The following SUFU variants were observed in gnomAD, a reference collection of about 807,000 sequenced individuals.
SUFU encodes the protein suppressor of fused homolog.
SUFU carries 7 observed loss-of-function variants against 58.9 expected under a neutral mutation model. The ratio of observed to expected loss-of-function variants is 0.12; its 90% CI spans 0.07 to 0.22. The LOEUF (loss-of-function observed/expected upper bound fraction) is 0.22, where lower values mean the gene tolerates loss of function less well. Ranked by LOEUF, SUFU falls within the 10% of genes least tolerant of loss-of-function variation. SUFU has a pLI of 1.00. For missense variants in SUFU, 451 were observed against 641.3 expected (o/e 0.70, Z 3.20); for synonymous variants, 232 against 254.8 (o/e 0.91, Z 0.85).
rs201633224 is a variant in SUFU, at chr10:102,528,320, AAC to A, written c.317+19020_317+19021del. Among the ~76,000 whole-genome samples, 1,369 of 152,248 alleles carry A rather than the reference AAC, an allele frequency of 9.0e-3. 19 individuals are homozygous for A. Among genetic ancestry groups the A allele is most frequent in the African/African-American group, 0.031 (1,292 of 41,536 alleles). On this transcript the variant is annotated intron_variant, in intron 2 of 11. Coordinates refer to ENST00000369902, the MANE Select transcript of SUFU (RefSeq NM_016169.4). ...TACAATGGCTCACACCTGTAATCCT[AAC>A]ACTTTGGGAGGCCGAGGTAGGAGAA...
In SUFU at chr10:102,594,047, G is replaced by A. The variant is rs1442746230; in HGVS notation, c.738G>A (p.Glu246=). 3 of 1,613,472 alleles carry A rather than the reference G, an allele frequency of 1.9e-6. No homozygotes were observed. Among genetic ancestry groups the A allele is most frequent in the South Asian group, 2.2e-5 (2 of 91,030 alleles). ...TGCGGAGGGGAGAGACCATATTTGA[G>A]ATCGATCCACACCTGCAAGTATGTC... ...TDMRRGETIF[E]IDPHLQERVD... Residue 246 remains glutamate (E), a synonymous_variant, in exon 6 of 12, where the codon GAG becomes GAA. Transcript: ENST00000369902.
At chr10:102,615,169 A>T in intron 8 of SUFU, 99 bp from the exon 9 acceptor site, 3 of 1,536,054 alleles carry the variant, frequency 2.0e-6, no homozygotes, top group Non-Finnish European at 2.7e-6. Context: ...AGTCACCATT[A>T]TTGTCTTTAT....
intron 8 of SUFU, among the ~76,000 whole-genome samples, chr10:102,609,128 C>T (rs879169871): frequency 1.3e-5 from 2 of 152,070 alleles, no homozygotes; most frequent in Admixed American, 6.5e-5. Flanking sequence ...ACTCATTGTG[C>T]GATCTTGGGC....
rs977827343 is a variant in SUFU at position 102,619,343 on chromosome 10, G to A, written c.1296+1915G>A. 3.2e-5 allele frequency: 45 copies of A among 1,420,816 alleles called. No individual in the cohort carries two copies. Among genetic ancestry groups the A allele is most frequent in the Non-Finnish European group, 3.9e-5 (43 of 1,090,238 alleles). 88.0% of individuals were successfully genotyped at this position (1,420,816 alleles called of 1,614,324 possible). Reference sequence around the variant, plus strand: ...TCAGCGAGCCTGAGGCCCAGCACCCGCTGGCTCCCCAGCACATGGTCCCCT... The same window carrying A: ...TCAGCGAGCCTGAGGCCCAGCACCCACTGGCTCCCCAGCACATGGTCCCCT... On this transcript the variant is annotated intron_variant, in intron 10 of 11. Transcript: ENST00000369902. This position sits in a 1 kb window ranked among gnomAD's most constrained non-coding sequence, Gnocchi z 4.2.
chr10:102,601,318 C>T (rs762123036), intron 8 of SUFU, among the ~76,000 whole-genome samples: 12 of 152,128 alleles, frequency 7.9e-5, no homozygotes, highest in Admixed American at 6.5e-5. Context: ...ACACATAAGC[C>T]GAGACTCTCA....
chr10:102,571,910 TC>T (rs1180853214), intron 3 of SUFU, among the ~76,000 whole-genome samples: 1 of 152,186 alleles, frequency 6.6e-6, no homozygotes, highest in Non-Finnish European at 1.5e-5. Context: ...GCTTCCAAGT[TC>T]CGTCAGGTTG....
intron 10 of SUFU, among the ~76,000 whole-genome samples, chr10:102,623,833 G>A (rs1018345101): frequency 4.6e-5 from 7 of 152,106 alleles, no homozygotes; most frequent in Non-Finnish European, 7.4e-5. Flanking sequence ...CCAGCTACTC[G>A]GGAGGCTGAG....
At chr10:102,548,025 C>T (rs1590017279) in intron 2 of SUFU, among the ~76,000 whole-genome samples, 3 of 152,094 alleles carry the variant, frequency 2.0e-5, no homozygotes, top group East Asian at 3.9e-4. Context: ...TGCTAGGTGC[C>T]ATGATGTGCC....
At chr10:102,549,619 T>C (rs142055154) in intron 2 of SUFU, among the ~76,000 whole-genome samples, 21 of 152,266 alleles carry the variant, frequency 1.4e-4, no homozygotes, top group African/African-American at 4.8e-4. Context: ...CTTGAAGGAA[T>C]AAGGAGCATG....
chr10:102,551,583 A>T (rs1215404194), intron 3 of SUFU, among the ~76,000 whole-genome samples: 1 of 151,562 alleles, frequency 6.6e-6, no homozygotes, highest in Non-Finnish European at 1.5e-5. Context: ...TGTTACTGTG[A>T]GCCAAGATCG....
chr10:102,573,767 T>A (rs944264190), intron 3 of SUFU, among the ~76,000 whole-genome samples: 1 of 152,126 alleles, frequency 6.6e-6, no homozygotes, highest in Non-Finnish European at 1.5e-5. Context: ...TTACATAAGG[T>A]ACTTAGAGTA....
intron 2 of SUFU, among the ~76,000 whole-genome samples, chr10:102,515,138 G>A (rs1345323609): frequency 6.6e-6 from 1 of 152,206 alleles, no homozygotes; most frequent in Admixed American, 6.5e-5. Context: ...CCTCCACCCG[G>A]TTGGTGGAGA....
chr10:102,613,129 G>A (rs1394048270), intron 8 of SUFU, among the ~76,000 whole-genome samples: 1 of 152,154 alleles, frequency 6.6e-6, no homozygotes, highest in Non-Finnish European at 1.5e-5. Flanking sequence ...GAAGTCTGAC[G>A]CACGGTGAGG....
intron 8 of SUFU, among the ~76,000 whole-genome samples, chr10:102,607,057 G>C (rs1003790102): frequency 2.9e-5 from 4 of 137,976 alleles, no homozygotes; most frequent in Admixed American, 1.6e-4. Context: ...ATTGGTAAGA[G>C]TAATTTTTTT....
intron 2 of SUFU, among the ~76,000 whole-genome samples, chr10:102,512,265 T>C (rs950252122): frequency 6.6e-6 from 1 of 152,230 alleles, no homozygotes; most frequent in Non-Finnish European, 1.5e-5. Flanking sequence ...ATAATGGAGA[T>C]AGAATAGCAA....
Position 102,549,963 on chromosome 10 carries a change from C to G in SUFU, c.318-7C>G, listed in dbSNP as rs751778806. 45 of 1,614,154 alleles carry G rather than the reference C, an allele frequency of 2.8e-5. No individual in the cohort carries two copies. Among genetic ancestry groups the G allele is most frequent in the Non-Finnish European group, 3.8e-5 (45 of 1,180,024 alleles). Reference sequence around the variant, plus strand: ...AGCTTAAAACACTTGCTTTTTATGTCTTTCAGGTTTACAGGAACAGATGGA... The same window carrying G: ...AGCTTAAAACACTTGCTTTTTATGTGTTTCAGGTTTACAGGAACAGATGGA... On this transcript the variant is annotated splice_region_variant and splice_polypyrimidine_tract_variant and intron_variant, in intron 2 of 11. Transcript: ENST00000369902.
chr10:102,549,301 C>A (rs1488571608), intron 2 of SUFU, among the ~76,000 whole-genome samples: 1 of 152,170 alleles, frequency 6.6e-6, no homozygotes, highest in South Asian at 2.1e-4. Flanking sequence ...AGGAAACTTA[C>A]AATGTTGGTG....
intron 2 of SUFU, among the ~76,000 whole-genome samples, chr10:102,522,968 TG>T (rs2062568424): frequency 6.6e-6 from 1 of 152,168 alleles, no homozygotes; most frequent in East Asian, 1.9e-4. Context: ...GGTGCCTCTT[TG>T]TCTCCTCTTC....
chr10:102,617,935 T>C lies in SUFU; in HGVS notation c.1296+507T>C. 1 of 211,956 alleles carries C rather than the reference T, an allele frequency of 4.7e-6. No homozygotes were observed. Among genetic ancestry groups the C allele is most frequent in the Non-Finnish European group, 9.4e-6 (1 of 106,014 alleles). 13.1% of individuals were successfully genotyped at this position (211,956 alleles called of 1,614,324 possible). Reference sequence around the variant, plus strand: ...CTACCCCCATCTGACAGCCCTCCCGTTCCTCCTGAGTTTGTGTGACCAGAG... The same window carrying C: ...CTACCCCCATCTGACAGCCCTCCCGCTCCTCCTGAGTTTGTGTGACCAGAG... On this transcript the variant is annotated intron_variant, in intron 10 of 11. Transcript: ENST00000369902. This position sits in a 1 kb window ranked among gnomAD's most constrained non-coding sequence, Gnocchi z 4.4.
Sources: allele counts gnomAD v4.1 joint callset (sites outside exome capture counted in the v4.1 genomes callset), GRCh38; gene constraint gnomAD v4.1.1; non-coding constraint Gnocchi (gnomAD v3.1); transcripts MANE v1.5; gene names NCBI Gene and HGNC (gene_info 2026-07-23, HGNC 2026-07-21).